Variants in FAM83B observed in about 807,000 individuals in gnomAD.
The protein encoded by FAM83B is protein FAM83B.
A neutral mutation model predicts 38.8 loss-of-function variants in FAM83B; 26 were observed. The observed-to-expected ratio is 0.67, with a 90% CI of 0.49 to 0.93. The LOEUF is 0.93. Among genes scored for constraint, FAM83B ranks in the 40% least tolerant of loss-of-function variants. FAM83B has a pLI of 0.00. For synonymous variants in FAM83B, 419 were observed against 423.1 expected (o/e 0.99, Z 0.12); for missense variants, 1,237 against 1,197.3 (o/e 1.03, Z -0.49).
rs983797165 is a variant in FAM83B, at chr6:54,942,386, CAT to C, written c.*380_*381del. Among the ~76,000 whole-genome samples, 36 of 152,100 alleles carry C rather than the reference CAT, an allele frequency of 2.4e-4. No individual in the cohort carries two copies. Among genetic ancestry groups the C allele is most frequent in the Admixed American group, 8.5e-4 (13 of 15,272 alleles). ...TACTACCCTCAGTAACCCTTTATAA[CAT>C]GTGTTTATAGTGTTTTCATATCTTC... On this transcript the variant is annotated 3_prime_UTR_variant, in exon 5 of 5. Coordinates refer to ENST00000306858, the MANE Select transcript of FAM83B (RefSeq NM_001010872.3).
At chr6:54,863,331 G>T (rs971526) in intron 1 of FAM83B, among the ~76,000 whole-genome samples, 63,879 of 151,954 alleles carry the variant, frequency 0.42, 14,450 homozygotes, top group Non-Finnish European at 0.51. Flanking sequence ...TTACCTAACA[G>T]TTTTTAGCAG....
At chr6:54,888,066 TTCC>T (rs1354865865) in intron 2 of FAM83B, among the ~76,000 whole-genome samples, 1 of 151,060 alleles carries the variant, frequency 6.6e-6, no homozygotes, top group Non-Finnish European at 1.5e-5. Flanking sequence ...ATTATTCAGT[TTCC>T]TCATTTATGA....
At chr6:54,905,177 A>G (rs9475064) in intron 2 of FAM83B, among the ~76,000 whole-genome samples, 4,657 of 152,168 alleles carry the variant, frequency 0.031, 242 homozygotes, top group African/African-American at 0.11. Flanking sequence ...CAAAGAAAAT[A>G]TAAGATGGTG....
At chr6:54,899,385 C>T (rs570771885) in intron 2 of FAM83B, among the ~76,000 whole-genome samples, 6 of 152,228 alleles carry the variant, frequency 3.9e-5, no homozygotes, top group Admixed American at 1.3e-4. Flanking sequence ...AGCAACTCTC[C>T]ATATGGATTC....
chr6:54,890,491 T>A (rs1422605137), intron 2 of FAM83B, among the ~76,000 whole-genome samples: 1 of 152,122 alleles, frequency 6.6e-6, no homozygotes, highest in Non-Finnish European at 1.5e-5. Flanking sequence ...TTAACTTGTA[T>A]GTCCATATTA....
chr6:54,882,623 G>T (rs1772159069), intron 2 of FAM83B, among the ~76,000 whole-genome samples: 1 of 152,100 alleles, frequency 6.6e-6, no homozygotes, highest in African/African-American at 2.4e-5. Context: ...TATTGCATTT[G>T]ATTCCTGGTT....
intron 1 of FAM83B, among the ~76,000 whole-genome samples, chr6:54,858,084 A>T (rs926906817): frequency 6.6e-6 from 1 of 152,190 alleles, no homozygotes; most frequent in Non-Finnish European, 1.5e-5. Flanking sequence ...TCATTCATGG[A>T]TGTAAGACTG....
At chr6:54,931,874 T>A (rs1264351963) in intron 4 of FAM83B, among the ~76,000 whole-genome samples, 1 of 152,026 alleles carries the variant, frequency 6.6e-6, no homozygotes, top group Admixed American at 6.6e-5. Flanking sequence ...TTTGTTCTTT[T>A]TTCCCTCTTT....
intron 2 of FAM83B, among the ~76,000 whole-genome samples, chr6:54,910,499 C>T (rs558618668): frequency 6.6e-5 from 10 of 152,242 alleles, no homozygotes; most frequent in Non-Finnish European, 1.2e-4. Context: ...TTGCTGCCTG[C>T]CTTTCTGGTG....
chr6:54,930,210 G>A (rs561507421), intron 4 of FAM83B, among the ~76,000 whole-genome samples: 5 of 152,098 alleles, frequency 3.3e-5, no homozygotes, highest in African/African-American at 4.8e-5. Context: ...AGTGATGTAC[G>A]TTTCTTTTTT....
intron 4 of FAM83B, among the ~76,000 whole-genome samples, chr6:54,928,642 G>GT (rs1442446414): frequency 6.6e-6 from 1 of 152,088 alleles, no homozygotes; most frequent in Non-Finnish European, 1.5e-5. Context: ...CTTGAAATTC[G>GT]TGAGTCCTTT....
chr6:54,919,615 A>G (rs922769836), intron 2 of FAM83B, among the ~76,000 whole-genome samples: 3 of 152,022 alleles, frequency 2.0e-5, no homozygotes, highest in African/African-American at 4.8e-5. Context: ...CAAAGTCTAG[A>G]TAATTAGGAT....
At position 54,940,468 on chromosome 6, in the gene FAM83B, C is replaced by G. The variant is rs561363029; in HGVS notation, c.1497C>G (p.Ser499=). The change falls in exon 5 of 5, where the codon TCC becomes TCG. Residue 499 remains serine (S), a synonymous_variant. Coordinates refer to ENST00000306858, the MANE Select transcript of FAM83B (RefSeq NM_001010872.3). ...KSFLRNWRIE[S]YLNDHSEATP... is the part of the protein sequence containing the mutation. ...TCCTACGTAACTGGAGAATTGAATCCTACTTAAATGATCATTCAGAAGCTA... is the reference window on the plus strand; with the variant it reads ...TCCTACGTAACTGGAGAATTGAATCGTACTTAAATGATCATTCAGAAGCTA... 1 of 1,614,052 alleles carries G rather than the reference C, an allele frequency of 6.2e-7. No individual in the cohort carries two copies. Among genetic ancestry groups the G allele is most frequent in the South Asian group, 1.1e-5 (1 of 91,080 alleles).
intron 4 of FAM83B, among the ~76,000 whole-genome samples, chr6:54,930,227 A>C (rs887665860): frequency 6.6e-6 from 1 of 152,112 alleles, no homozygotes; most frequent in East Asian, 1.9e-4. Flanking sequence ...TTTTCGAAAC[A>C]AAGTTAATAA....
intron 2 of FAM83B, among the ~76,000 whole-genome samples, chr6:54,892,547 T>C (rs1772430247): frequency 1.3e-5 from 2 of 151,930 alleles, no homozygotes; most frequent in Non-Finnish European, 2.9e-5. Context: ...TCTGTGTTAG[T>C]TTGCTGAGGA....
chr6:54,916,085 A>G (rs1248962944), intron 2 of FAM83B, among the ~76,000 whole-genome samples: 8 of 152,084 alleles, frequency 5.3e-5, no homozygotes, highest in Non-Finnish European at 8.8e-5. Flanking sequence ...CTGGGCCTCT[A>G]GCTGTTTCTG....
At chr6:54,916,193 C>G (rs1202324000) in intron 2 of FAM83B, among the ~76,000 whole-genome samples, 1 of 152,112 alleles carries the variant, frequency 6.6e-6, no homozygotes, top group Non-Finnish European at 1.5e-5. Flanking sequence ...TACAATTTTC[C>G]TTATGCAGAG....
At chr6:54,927,762 C>T (rs1452180949) in intron 4 of FAM83B, 130 bp downstream of exon 4, 35 of 705,480 alleles carry the variant, frequency 5.0e-5, no homozygotes, top group Non-Finnish European at 6.9e-5. Context: ...AAAGAGAACA[C>T]TTGCATGGAG....
chr6:54,939,654 A>G, intron 4 of FAM83B, 52 bp from the exon 5 acceptor site: 1 of 1,457,952 alleles, frequency 6.9e-7, no homozygotes, highest in Non-Finnish European at 9.2e-7. Context: ...GTAGAACTAT[A>G]TGTTATTATC....
Sources: gnomAD v4.1 joint callset for allele counts (sites outside exome capture counted in the v4.1 genomes callset) on GRCh38, gnomAD v4.1.1 for gene constraint, MANE v1.5 for transcripts, NCBI Gene and HGNC (gene_info 2026-07-23, HGNC 2026-07-21) for gene names.